POTEE: variants seen among roughly 807,000 people sequenced by gnomAD.
POTEE encodes ANKRD26-like family C member 1A.
A neutral mutation model predicts 74.2 loss-of-function variants in POTEE; 21 were observed. That is an observed-to-expected ratio of 0.28 (90% confidence interval 0.20 to 0.41). POTEE has a LOEUF of 0.41. Ranked by LOEUF, POTEE falls within the 10% of genes least tolerant of loss-of-function variation. The pLI is 1.00. For synonymous variants in POTEE, 211 were observed against 432.8 expected (o/e 0.49, Z 6.36); for missense variants, 525 against 1,158.6 (o/e 0.45, Z 7.94).
Position 131,218,298 on chromosome 2 carries a change from C to G in POTEE, c.-93-12C>G, listed in dbSNP as rs1330484552. The stretch of plus-strand genomic sequence containing the variant: ...CAGGTTTTGGCTGGGATTGACATTT[C>G]TCTTCAAACAGATTGGAAACCCGGA... On this transcript the variant is annotated splice_polypyrimidine_tract_variant and intron_variant, in intron 3 of 17. Transcript: ENST00000683005. 2 of 1,580,780 alleles carry G rather than the reference C, an allele frequency of 1.3e-6. No homozygotes were observed. The highest frequency in any genetic ancestry group is 1.7e-6 in the Non-Finnish European group (2 of 1,163,868).
In POTEE at chr2:131,218,773, A is replaced by T. The variant is rs753764469; in HGVS notation, c.371A>T (p.Asp124Val). Residue 124 changes from aspartate (D) to valine (V), a missense_variant, in exon 4 of 18, where the codon GAT becomes GTT. By Grantham distance (152) the Asp-to-Val change is radical (BLOSUM62 -3). Coordinates refer to ENST00000683005, the MANE Select transcript of POTEE (RefSeq NM_001083538.3). ...AAGGTGGGCGCTTGGGGAGACTACGATGACAGCGCCTTCATGGAGCCCAGG... is the reference window on the plus strand; with the variant it reads ...AAGGTGGGCGCTTGGGGAGACTACGTTGACAGCGCCTTCATGGAGCCCAGG... ...KSKVGAWGDY[D>V]DSAFMEPRYH... 1.2e-6 allele frequency: 2 copies of T among 1,612,694 alleles called. No individual in the cohort carries two copies. Among genetic ancestry groups the T allele is most frequent in the Admixed American group, 1.7e-5 (1 of 59,980 alleles).
intron 4 of POTEE, among the ~76,000 whole-genome samples, chr2:131,221,876 A>G (rs1369392328): frequency 2.0e-5 from 3 of 152,240 alleles, no homozygotes; most frequent in Admixed American, 6.5e-5. Flanking sequence ...TGAACTCCCA[A>G]GCTGTGTTCA....
chr2:131,234,640 ATTAG>A (rs1455765854), intron 9 of POTEE, among the ~76,000 whole-genome samples: 2 of 88,926 alleles, frequency 2.2e-5, no homozygotes, highest in Non-Finnish European at 2.2e-5. Flanking sequence ...ATTCACAATT[ATTAG>A]TTAAATTCAT....
intron 2 of POTEE, among the ~76,000 whole-genome samples, chr2:131,217,209 G>A (rs1700461951): frequency 1.5e-5 from 2 of 132,040 alleles, no homozygotes; most frequent in African/African-American, 5.8e-5. Flanking sequence ...CTTTAGAGGT[G>A]ATTCAGGAGA....
rs1366879446 is a variant in POTEE at position 131,218,483 on chromosome 2, G to A, written c.81G>A (p.Trp27Ter). ...GTCTCAGGAGCAAGATGGGCAAGTG[G>A]TGCTGCCGTTGCTTCCCCTGCTACA... ...PFGLRSKMGK[W>*]CCRCFPCYRE... Residue 27 changes from tryptophan to a stop codon, truncating the protein, a stop_gained, in exon 4 of 18, where the codon TGG becomes TGA. Coordinates refer to ENST00000683005, the MANE Select transcript of POTEE (RefSeq NM_001083538.3). LOFTEE classifies it high-confidence loss of function. 3 of 1,613,122 alleles carry A rather than the reference G, an allele frequency of 1.9e-6. No individual in the cohort carries two copies. The highest frequency in any genetic ancestry group is 2.5e-6 in the Non-Finnish European group (3 of 1,179,878).
intron 9 of POTEE, among the ~76,000 whole-genome samples, chr2:131,233,981 A>G (rs1327597134): frequency 3.3e-5 from 5 of 151,318 alleles, no homozygotes; most frequent in Non-Finnish European, 1.5e-5. Flanking sequence ...AAATTCATGT[A>G]GGATATTTTG....
At chr2:131,214,346 A>G (rs1195243232) in intron 2 of POTEE, among the ~76,000 whole-genome samples, 6 of 152,366 alleles carry the variant, frequency 3.9e-5, no homozygotes, top group African/African-American at 1.4e-4. Context: ...AATGTTATGA[A>G]GGAAAGAAAT....
At chr2:131,231,458 C>G (rs1307720693) in intron 9 of POTEE, among the ~76,000 whole-genome samples, 1 of 151,970 alleles carries the variant, frequency 6.6e-6, no homozygotes, top group Non-Finnish European at 1.5e-5. Context: ...GAGTTGAGGA[C>G]CCCTGCTTTG....
At chr2:131,220,988 A>C (rs1169766582) in intron 4 of POTEE, among the ~76,000 whole-genome samples, 2 of 151,520 alleles carry the variant, frequency 1.3e-5, no homozygotes, top group Non-Finnish European at 1.5e-5. Context: ...AAAAAAAAGG[A>C]ATGAAATACT....
intron 9 of POTEE, among the ~76,000 whole-genome samples, chr2:131,231,325 A>C (rs971897134): frequency 4.4e-4 from 67 of 151,096 alleles, no homozygotes; most frequent in Non-Finnish European, 7.8e-4. Flanking sequence ...TACAGGCGGT[A>C]ATATGAGCCA....
chr2:131,218,261 T>C lies in POTEE; in HGVS notation c.-93-49T>C. 2.7e-6 allele frequency: 4 copies of C among 1,504,258 alleles called. No individual in the cohort carries two copies. In the Admixed American group the frequency reaches 6.0e-5, roughly 22 times the overall value. The allele number at this position is 1,504,258 out of a possible 1,614,324, so 93.2% of individuals were successfully genotyped here. A position where few individuals can be genotyped will look rare whatever the true frequency, so the allele number is the denominator to read the frequency against. ...TGGGGTGGGCTGGGCTGGAATCCCC[T>C]GCTGGGGTTGGCAGGTTTTGGCTGG... is the stretch of plus-strand genomic sequence containing the variant. On this transcript the variant is annotated intron_variant, in intron 3 of 17. Coordinates refer to ENST00000683005, the MANE Select transcript of POTEE (RefSeq NM_001083538.3).
chr2:131,253,976 G>A (rs1205680686), intron 16 of POTEE, among the ~76,000 whole-genome samples: 3 of 151,372 alleles, frequency 2.0e-5, no homozygotes, highest in East Asian at 3.9e-4. Context: ...CAATTAAAAT[G>A]TATTTAAAGC....
At chr2:131,235,810 AAAAG>A (rs1418168057) in intron 9 of POTEE, among the ~76,000 whole-genome samples, 5 of 151,128 alleles carry the variant, frequency 3.3e-5, no homozygotes, top group East Asian at 1.9e-4. Context: ...AAAAAAAAAA[AAAAG>A]AAAGAAAAAA....
chr2:131,212,193 T>C (rs1700373496), intron 2 of POTEE, among the ~76,000 whole-genome samples: 1 of 152,058 alleles, frequency 6.6e-6, no homozygotes, highest in Non-Finnish European at 1.5e-5. Context: ...ATCAGTTGTA[T>C]AATTAGTTAC....
rs560666469 is a variant in POTEE, at chr2:131,232,806, C to T, written c.1126+1900C>T. 5.3e-4 allele frequency among the ~76,000 whole-genome samples: 80 copies of T among 151,874 alleles called. 1 individual carries two copies. The highest frequency in any genetic ancestry group is 4.8e-3 in the East Asian group (25 of 5,166). On this transcript the variant is annotated intron_variant, in intron 9 of 17. Coordinates refer to ENST00000683005, the MANE Select transcript of POTEE (RefSeq NM_001083538.3). ...CGTCTCCCTTCATGGTTGGCTAATC[C>T]GCAGCAGCTCCAAACATCTTGTTCT...
At chr2:131,229,115 C>A (rs1338994361) in intron 8 of POTEE, among the ~76,000 whole-genome samples, 1 of 151,604 alleles carries the variant, frequency 6.6e-6, no homozygotes, top group Non-Finnish European at 1.5e-5. Flanking sequence ...TGACCCTTCC[C>A]CACATATTCA....
At chr2:131,220,617 A>G (rs1465580726) in intron 4 of POTEE, among the ~76,000 whole-genome samples, 2 of 152,082 alleles carry the variant, frequency 1.3e-5, no homozygotes, top group Non-Finnish European at 2.9e-5. Flanking sequence ...TGGTAGAAGA[A>G]GGAATGTAAG....
chr2:131,220,015 C>T (rs988264981), intron 4 of POTEE, among the ~76,000 whole-genome samples: 22 of 150,114 alleles, frequency 1.5e-4, no homozygotes, highest in African/African-American at 2.2e-4. Context: ...AAGAATTTAG[C>T]GCTTGATAAT....
intron 4 of POTEE, among the ~76,000 whole-genome samples, chr2:131,223,393 T>C (rs559592626): frequency 2.0e-5 from 3 of 149,294 alleles, no homozygotes; most frequent in Admixed American, 6.6e-5. Context: ...GGCTATGCTC[T>C]TTATATTTAT....
Sources: allele counts gnomAD v4.1 joint callset (sites outside exome capture counted in the v4.1 genomes callset), GRCh38; gene constraint gnomAD v4.1.1; transcripts MANE v1.5; gene names NCBI Gene and HGNC (gene_info 2026-07-23, HGNC 2026-07-21).